Variants in AFDN observed in about 807,000 individuals in gnomAD.
AFDN encodes afadin, adherens junction formation factor.
A neutral mutation model predicts 216.6 loss-of-function variants in AFDN; 68 were observed. The ratio of observed to expected loss-of-function variants is 0.31; its 90% confidence interval spans 0.26 to 0.38. The LOEUF (loss-of-function observed/expected upper bound fraction) is 0.38. AFDN is among the 10% of genes least tolerant of loss of function. The pLI is 1.00. For synonymous variants in AFDN, 868 were observed against 853.7 expected (o/e 1.02, Z -0.29); for missense variants, 2,136 against 2,342.0 (o/e 0.91, Z 1.82).
At chr6:167,966,676 CTATTA>C (rs1411290604) in intron 32 of AFDN, among the ~76,000 whole-genome samples, 4 of 152,102 alleles carry the variant, frequency 2.6e-5, no homozygotes, top group East Asian at 1.9e-4. Flanking sequence ...GGTTATAATT[CTATTA>C]TAAGTTTCCT....
At chr6:167,895,088 C>T (rs559614141) in intron 9 of AFDN, among the ~76,000 whole-genome samples, 15 of 151,682 alleles carry the variant, frequency 9.9e-5, no homozygotes, top group Admixed American at 4.6e-4. Context: ...AACTATGGAC[C>T]GTATGTGGAG....
At chr6:167,948,137 A>G in intron 28 of AFDN, 156 bp from the exon 29 acceptor site, 1 of 801,876 alleles carries the variant, frequency 1.2e-6, no homozygotes, top group South Asian at 2.0e-5. Context: ...AAGTCTGGGC[A>G]AAATGAAATG....
intron 31 of AFDN, chr6:167,963,970 AT>A (rs766846138): frequency 3.3e-5 from 35 of 1,064,214 alleles, no homozygotes; most frequent in Admixed American, 1.1e-4. Context: ...GCCCATTGCT[AT>A]AGCTGGGCCC....
At chr6:167,957,972 A>G (rs1041012530) in intron 30 of AFDN, among the ~76,000 whole-genome samples, 3 of 152,212 alleles carry the variant, frequency 2.0e-5, no homozygotes, top group South Asian at 2.1e-4. Flanking sequence ...CGTGAGAGCC[A>G]GGGTCCCCAA....
intron 19 of AFDN, 140 bp downstream of exon 19, chr6:167,915,573 G>T (rs1790951807): frequency 2.1e-6 from 2 of 941,414 alleles, no homozygotes; most frequent in African/African-American, 1.7e-5. Flanking sequence ...ATGAAGTAGT[G>T]CTATGTGAGT....
At position 167,902,301 on chromosome 6, in the gene AFDN, T is replaced by G. The variant is rs1789083114; in HGVS notation, c.1581-16T>G. On this transcript the variant is annotated splice_polypyrimidine_tract_variant and intron_variant, in intron 11 of 33. Transcript: ENST00000683244. ...AATGTTATTAAGTCAGTGTGTTTCT[T>G]GTTTTATCCCATCAGAATTGTTCAG... 3 of 1,595,826 alleles carry G rather than the reference T, an allele frequency of 1.9e-6. No individual in the cohort carries two copies. In the South Asian group the frequency reaches 3.3e-5, roughly 18 times the overall value.
chr6:167,916,758 CTA>C (rs1193213752), intron 19 of AFDN, among the ~76,000 whole-genome samples: 1 of 152,062 alleles, frequency 6.6e-6, no homozygotes, highest in Non-Finnish European at 1.5e-5. Context: ...GACGATGAAA[CTA>C]TTCATACACC....
At chr6:167,966,301 C>CT in intron 32 of AFDN, 1 of 1,459,218 alleles carries the variant, frequency 6.9e-7, no homozygotes, top group Non-Finnish European at 9.1e-7. Flanking sequence ...AATCAGCTCT[C>CT]TTTGTCTTAA....
intron 1 of AFDN, among the ~76,000 whole-genome samples, chr6:167,845,922 A>G (rs1206149974): frequency 1.3e-5 from 2 of 152,186 alleles, no homozygotes; most frequent in African/African-American, 4.8e-5. Context: ...ACAAAGGAGA[A>G]GCAAGCACCT....
intron 23 of AFDN, among the ~76,000 whole-genome samples, chr6:167,928,814 G>A (rs1792903357): frequency 6.6e-6 from 1 of 152,174 alleles, no homozygotes; most frequent in Admixed American, 6.5e-5. Flanking sequence ...TCTTCTGTGG[G>A]GTGTGAAGTC....
chr6:167,916,818 G>T (rs1270504053), intron 19 of AFDN, among the ~76,000 whole-genome samples: 1 of 152,114 alleles, frequency 6.6e-6, no homozygotes, highest in Non-Finnish European at 1.5e-5. Context: ...CTTTGGAAGA[G>T]AGTTTTTAAA....
chr6:167,826,644 C>T (rs1779077271), upstream of AFDN: 1 of 491,952 alleles, frequency 2.0e-6, no homozygotes, highest in African/African-American at 1.9e-5. Context: ...CAGCGCGCGT[C>T]CGAACCGAAC....
intron 23 of AFDN, among the ~76,000 whole-genome samples, chr6:167,936,188 C>CTA (rs1197345345): frequency 6.6e-6 from 1 of 152,220 alleles, no homozygotes; most frequent in Admixed American, 6.5e-5. Context: ...TTTCAGTGCT[C>CTA]TGTCACCACC....
chr6:167,970,653 G>A lies in AFDN; in HGVS notation c.*718G>A, dbSNP rs1335021139. ...AAATTTTGAGGATTTAAGCTTAGGGGATTTTATTTTTATAAATACCAGATT... is the reference window on the plus strand; with the variant it reads ...AAATTTTGAGGATTTAAGCTTAGGGAATTTTATTTTTATAAATACCAGATT... On this transcript the variant is annotated 3_prime_UTR_variant, in exon 34 of 34. Coordinates refer to ENST00000683244, the MANE Select transcript of AFDN (RefSeq NM_001386888.1). The A allele has an allele frequency of 4.8e-6, 1 of 209,222 alleles. No individual in the cohort carries two copies. Among genetic ancestry groups the A allele is most frequent in the Non-Finnish European group, 9.7e-6 (1 of 103,142 alleles). The allele number at this position is 209,222 out of a possible 1,614,324, so 13.0% of individuals were successfully genotyped here. A position where few individuals can be genotyped will look rare whatever the true frequency, so the allele number is the denominator to read the frequency against.
chr6:167,886,215 G>A (rs983452925), intron 6 of AFDN, among the ~76,000 whole-genome samples: 1 of 152,122 alleles, frequency 6.6e-6, no homozygotes, highest in African/African-American at 2.4e-5. Context: ...AGAGAGATAA[G>A]CATGGGTATT....
At chr6:167,886,173 T>TA (rs1363379417) in intron 6 of AFDN, among the ~76,000 whole-genome samples, 1 of 151,814 alleles carries the variant, frequency 6.6e-6, no homozygotes, top group Non-Finnish European at 1.5e-5. Context: ...CAGAAAGAAA[T>TA]ACAGCAAAGC....
intron 15 of AFDN, among the ~76,000 whole-genome samples, chr6:167,912,678 T>A (rs1251451490): frequency 6.6e-6 from 1 of 152,218 alleles, no homozygotes; most frequent in African/African-American, 2.4e-5. Flanking sequence ...TTACTAAGCC[T>A]GTTTCGAGTT....
At chr6:167,968,807 T>C in intron 32 of AFDN, 1 of 340,274 alleles carries the variant, frequency 2.9e-6, no homozygotes, top group Non-Finnish European at 5.6e-6. Flanking sequence ...GGGTTGATGT[T>C]ACACTCACCC....
At chr6:167,956,892 C>T (rs907137003) in intron 30 of AFDN, among the ~76,000 whole-genome samples, 2 of 152,180 alleles carry the variant, frequency 1.3e-5, no homozygotes, top group Admixed American at 1.3e-4. Flanking sequence ...CGGTACTGTC[C>T]CCCAGTCCCT....
Sources: allele counts gnomAD v4.1 joint callset (sites outside exome capture counted in the v4.1 genomes callset), GRCh38; gene constraint gnomAD v4.1.1; transcripts MANE v1.5; gene names NCBI Gene and HGNC (gene_info 2026-07-23, HGNC 2026-07-21).